SLC9C1: variants seen among roughly 807,000 people sequenced by gnomAD.
SLC9C1 encodes sodium/hydrogen exchanger 10.
In SLC9C1, 97 loss-of-function variants were observed where a neutral mutation model predicts 140.9. That is an observed-to-expected ratio of 0.69 (90% CI 0.58 to 0.82). SLC9C1 has a LOEUF of 0.82. Among genes scored for constraint, SLC9C1 ranks in the 40% least tolerant of loss-of-function variants. SLC9C1 has a pLI of 0.00. For synonymous variants in SLC9C1, 440 were observed against 442.6 expected (o/e 0.99, Z 0.07); for missense variants, 1,340 against 1,389.3 (o/e 0.96, Z 0.56).
intron 20 of SLC9C1, among the ~76,000 whole-genome samples, chr3:112,193,861 TG>T (rs1272267580): frequency 2.6e-5 from 4 of 151,738 alleles, no homozygotes; most frequent in African/African-American, 4.8e-5. Context: ...TTGTGGGTGG[TG>T]GGGGTTGGTT....
chr3:112,246,392 C>G (rs1460484833), intron 10 of SLC9C1, among the ~76,000 whole-genome samples: 1 of 151,976 alleles, frequency 6.6e-6, no homozygotes, highest in Non-Finnish European at 1.5e-5. Context: ...AAAACAAAAC[C>G]CAGACTTCTT....
At position 112,202,129 on chromosome 3, in the gene SLC9C1, A is replaced by G. The variant is rs933822310; in HGVS notation, c.2322+121T>C. ...TAAATGTAACCTAGTTTAAGTTTTT[A>G]AAGAAATGAATTAGAAAACCAGGAG... On this transcript the variant is annotated intron_variant, in intron 18 of 28. Coordinates refer to ENST00000305815, the MANE Select transcript of SLC9C1 (RefSeq NM_183061.3). 6 of 1,131,562 alleles carry G rather than the reference A, an allele frequency of 5.3e-6. No homozygotes were observed. In the African/African-American group the frequency reaches 9.6e-5, roughly 18 times the overall value. 70.1% of individuals were successfully genotyped at this position (1,131,562 alleles called of 1,614,324 possible). A position where few individuals can be genotyped will look rare whatever the true frequency, so the allele number is the denominator to read the frequency against.
intron 26 of SLC9C1, among the ~76,000 whole-genome samples, chr3:112,159,057 C>T (rs1453425044): frequency 6.6e-6 from 1 of 150,654 alleles, no homozygotes; most frequent in South Asian, 2.1e-4. Flanking sequence ...TTGGTTTGTT[C>T]TTGCTTTCAA....
intron 20 of SLC9C1, among the ~76,000 whole-genome samples, chr3:112,195,503 T>G (rs751125758): frequency 2.7e-4 from 41 of 152,162 alleles, no homozygotes; most frequent in Non-Finnish European, 4.9e-4. Flanking sequence ...TTTTTTTGTA[T>G]AGCTTTTCTA....
intron 15 of SLC9C1, among the ~76,000 whole-genome samples, chr3:112,215,658 G>A (rs890590921): frequency 8.5e-5 from 13 of 152,086 alleles, no homozygotes; most frequent in Non-Finnish European, 5.9e-5. Context: ...GGGATGTGAA[G>A]GACCTCTTCA....
chr3:112,249,744 T>C (rs968575303), intron 10 of SLC9C1, among the ~76,000 whole-genome samples: 1 of 152,116 alleles, frequency 6.6e-6, no homozygotes, highest in Non-Finnish European at 1.5e-5. Context: ...TCACAGCATT[T>C]TCTGAGGGAT....
intron 20 of SLC9C1, among the ~76,000 whole-genome samples, chr3:112,183,344 C>CTTTTTTTTTTTTTTTT (rs1159788975): frequency 5.7e-4 from 12 of 20,958 alleles, no homozygotes; most frequent in South Asian, 2.1e-3. Context: ...TATTTAGCAC[C>CTTTTTTTTTTTTTTTT]TTTTCTTTTT....
chr3:112,268,405 A>T (rs1340182845), intron 7 of SLC9C1, among the ~76,000 whole-genome samples: 3 of 152,190 alleles, frequency 2.0e-5, no homozygotes, highest in African/African-American at 7.2e-5. Context: ...TAGTTTTTCT[A>T]TGCTTCAATT....
At chr3:112,170,100 A>G (rs1032301395) in intron 23 of SLC9C1, among the ~76,000 whole-genome samples, 1 of 152,182 alleles carries the variant, frequency 6.6e-6, no homozygotes, top group Non-Finnish European at 1.5e-5. Flanking sequence ...TTCATGACTA[A>G]AACCTCAAAA....
intron 28 of SLC9C1, among the ~76,000 whole-genome samples, chr3:112,149,367 C>T (rs951599796): frequency 6.6e-6 from 1 of 151,608 alleles, no homozygotes; most frequent in African/African-American, 2.4e-5. Flanking sequence ...TCCCACACAC[C>T]AGGATCTCTG....
chr3:112,181,310 T>C (rs982164790), intron 21 of SLC9C1, among the ~76,000 whole-genome samples: 4 of 152,206 alleles, frequency 2.6e-5, no homozygotes, highest in African/African-American at 4.8e-5. Flanking sequence ...TGGGAACAGA[T>C]GTAGGCTAAT....
chr3:112,286,559 T>C, intron 2 of SLC9C1, 145 bp downstream of exon 2: 1 of 599,168 alleles, frequency 1.7e-6, no homozygotes. Flanking sequence ...ATTATTGGAT[T>C]CATTTGATTG....
chr3:112,231,325 G>A (rs769267748), intron 13 of SLC9C1, 36 bp downstream of exon 13: 1 of 1,607,734 alleles, frequency 6.2e-7, no homozygotes, highest in Non-Finnish European at 8.5e-7. Context: ...CATAATTTTT[G>A]GCCAAACATA....
At chr3:112,221,325 T>A in intron 13 of SLC9C1, 100 bp from the exon 14 acceptor site, 1 of 921,736 alleles carries the variant, frequency 1.1e-6, no homozygotes, top group Non-Finnish European at 1.7e-6. Context: ...GTAAAAACAA[T>A]CAATCTAGTC....
chr3:112,141,992 G>A (rs923551058), intron 28 of SLC9C1, among the ~76,000 whole-genome samples: 11 of 152,100 alleles, frequency 7.2e-5, no homozygotes, highest in Non-Finnish European at 1.0e-4. Context: ...AGACAATCTC[G>A]TTGTTAGACA....
chr3:112,184,768 G>C (rs2077501681), intron 20 of SLC9C1, among the ~76,000 whole-genome samples: 1 of 152,214 alleles, frequency 6.6e-6, no homozygotes, highest in South Asian at 2.1e-4. Context: ...GACCCCCTGA[G>C]GCTACAAACC....
intron 20 of SLC9C1, among the ~76,000 whole-genome samples, chr3:112,188,697 C>T (rs528973394): frequency 1.2e-4 from 18 of 152,228 alleles, no homozygotes; most frequent in African/African-American, 3.1e-4. Context: ...AATGAACATA[C>T]GTGTGCATGT....
chr3:112,172,023 A>G (rs2077256225), intron 23 of SLC9C1, among the ~76,000 whole-genome samples: 1 of 152,200 alleles, frequency 6.6e-6, no homozygotes, highest in South Asian at 2.1e-4. Flanking sequence ...GTATGCCTTT[A>G]AATCAGGTAG....
At chr3:112,204,485 G>T (rs1266239169) in intron 16 of SLC9C1, 82 bp from the exon 17 acceptor site, 11 of 1,427,036 alleles carry the variant, frequency 7.7e-6, no homozygotes, top group Non-Finnish European at 1.0e-5. Flanking sequence ...TAAACATCAT[G>T]TTAGGCTTTT....
Sources: gnomAD v4.1 joint callset for allele counts (sites outside exome capture counted in the v4.1 genomes callset) on GRCh38, gnomAD v4.1.1 for gene constraint, MANE v1.5 for transcripts, NCBI Gene and HGNC (gene_info 2026-07-23, HGNC 2026-07-21) for gene names.